The following RNMT variants were observed in gnomAD, a reference collection of about 807,000 sequenced individuals.
The protein encoded by RNMT is mRNA cap guanine-N(7) methyltransferase.
In RNMT, 27 loss-of-function variants were observed where a neutral mutation model predicts 56.0. The observed-to-expected ratio is 0.48, with a 90% CI of 0.36 to 0.67. The LOEUF (loss-of-function observed/expected upper bound fraction) is 0.67. Ranked by LOEUF, RNMT falls within the 30% of genes least tolerant of loss-of-function variation. The pLI, the probability that RNMT is intolerant of heterozygous loss-of-function variation, is 0.00. For synonymous variants in RNMT, 184 were observed against 176.2 expected (o/e 1.04, Z -0.35); for missense variants, 519 against 552.1 (o/e 0.94, Z 0.60).
In RNMT at chr18:13,759,934, T is replaced by G; in HGVS notation, c.1394-8T>G. On this transcript the variant is annotated splice_polypyrimidine_tract_variant and splice_region_variant and intron_variant, in intron 11 of 11. Coordinates refer to ENST00000383314, the MANE Select transcript of RNMT (RefSeq NM_003799.3). ...GAGAAACTGAACTCTTATTTATTTCTTCTTTAGGTATTTACTTGGTGTTTG... is the reference window on the plus strand; with the variant it reads ...GAGAAACTGAACTCTTATTTATTTCGTCTTTAGGTATTTACTTGGTGTTTG... 6.2e-7 allele frequency: 1 copy of G among 1,605,232 alleles called. No individual in the cohort carries two copies. The highest frequency in any genetic ancestry group is 1.1e-5 in the South Asian group (1 of 90,784).
At chr18:13,745,803 AGG>A (rs760757257) in intron 8 of RNMT, among the ~76,000 whole-genome samples, 102 of 152,090 alleles carry the variant, frequency 6.7e-4, no homozygotes, top group Admixed American at 2.2e-3. Flanking sequence ...TTCATGATGT[AGG>A]GGAAAAATTA....
At chr18:13,755,380 T>C (rs2044525767) in intron 11 of RNMT, among the ~76,000 whole-genome samples, 1 of 152,360 alleles carries the variant, frequency 6.6e-6, no homozygotes, top group Non-Finnish European at 1.5e-5. Context: ...TTGTAATAAC[T>C]CACATGTTGT....
At position 13,762,273 on chromosome 18, in the gene RNMT, A is replaced by G; in HGVS notation, c.*2294A>G. 1 of 1,195,316 alleles carries G rather than the reference A, an allele frequency of 8.4e-7. No homozygotes were observed. The highest frequency in any genetic ancestry group is 1.6e-5 in the South Asian group (1 of 63,840). The allele number at this position is 1,195,316 out of a possible 1,614,324, so 74.0% of individuals were successfully genotyped here. A position where few individuals can be genotyped will look rare whatever the true frequency, so the allele number is the denominator to read the frequency against. ...GATTGTGATTTAACCAAGAATGCTG[A>G]TGTTGAATTCTTTGGGCCTAGAATA... is the stretch of plus-strand genomic sequence containing the variant. On this transcript the variant is annotated 3_prime_UTR_variant, in exon 12 of 12. Transcript: ENST00000383314.
chr18:13,741,776 AC>A, intron 7 of RNMT, 85 bp downstream of exon 7: 2 of 853,414 alleles, frequency 2.3e-6, no homozygotes, highest in Non-Finnish European at 3.5e-6. Context: ...TTATTAAAAT[AC>A]GCTATTTTAA....
At chr18:13,754,632 A>G (rs1219369298) in intron 11 of RNMT, among the ~76,000 whole-genome samples, 1 of 152,264 alleles carries the variant, frequency 6.6e-6, no homozygotes, top group Non-Finnish European at 1.5e-5. Flanking sequence ...TAGTGCCAAG[A>G]GAAGATACAC....
intron 3 of RNMT, among the ~76,000 whole-genome samples, chr18:13,732,744 T>C (rs1459596905): frequency 4.9e-5 from 2 of 40,756 alleles, no homozygotes; most frequent in African/African-American, 1.5e-4. Flanking sequence ...AGCCCCCCCT[T>C]TTTTTTTTTT....
chr18:13,758,325 C>A (rs537984441), intron 11 of RNMT, among the ~76,000 whole-genome samples: 1 of 152,286 alleles, frequency 6.6e-6, no homozygotes, highest in African/African-American at 2.4e-5. Flanking sequence ...TAGATGGCAT[C>A]TTCTAATAGA....
chr18:13,757,794 C>T (rs2044568267), intron 11 of RNMT, among the ~76,000 whole-genome samples: 1 of 152,202 alleles, frequency 6.6e-6, no homozygotes, highest in African/African-American at 2.4e-5. Context: ...TCATTTCCAT[C>T]AGGTTTTTTA....
chr18:13,734,635 C>T (rs1602001004), intron 4 of RNMT, 36 bp downstream of exon 4: 1 of 1,512,054 alleles, frequency 6.6e-7, no homozygotes, highest in Admixed American at 2.1e-5. Flanking sequence ...GTCTTTAATT[C>T]CTATTCATTT....
chr18:13,739,053 A>G (rs538779298), intron 5 of RNMT, among the ~76,000 whole-genome samples: 1 of 152,292 alleles, frequency 6.6e-6, no homozygotes, highest in East Asian at 1.9e-4. Context: ...ACTTTAAGTG[A>G]CAGGTTCACT....
At chr18:13,750,341 A>G (rs779909189) in intron 9 of RNMT, among the ~76,000 whole-genome samples, 3 of 152,028 alleles carry the variant, frequency 2.0e-5, no homozygotes, top group Non-Finnish European at 2.9e-5. Context: ...AATTGCCATC[A>G]TTTTAATATT....
At chr18:13,736,268 A>G (rs1479836592) in intron 4 of RNMT, among the ~76,000 whole-genome samples, 2 of 152,230 alleles carry the variant, frequency 1.3e-5, no homozygotes, top group African/African-American at 4.8e-5. Context: ...TGTCCAGCTC[A>G]GTGATAAAGA....
chr18:13,740,233 G>A lies in RNMT; in HGVS notation c.746G>A (p.Ser249Asn), dbSNP rs763674156. The A allele has an allele frequency of 6.2e-7, 1 of 1,611,634 alleles. No individual in the cohort carries two copies. The highest frequency in any genetic ancestry group is 8.5e-7 in the Non-Finnish European group (1 of 1,177,774). ...GAGGACATGAAAAATCGTCGTGATA[G>A]TGAATATATTTTCAGTGCAGAATTT... ...RYEDMKNRRD[S>N]EYIFSAEFIT... is the part of the protein sequence containing the mutation. The change falls in exon 6 of 12, where the codon AGT becomes AAT. Residue 249 changes from serine to asparagine, a missense_variant. Physicochemically the swap from Ser to Asn is conservative, Grantham distance 46. Transcript: ENST00000383314.
Position 13,760,304 on chromosome 18 carries a change from G to T in RNMT, c.*325G>T. On this transcript the variant is annotated 3_prime_UTR_variant, in exon 12 of 12. Transcript: ENST00000383314. ...AACTAAACTCTTTCCACAGTGTTCA[G>T]ATTTGTCCTGTGTGTGTTTACAGTA... The T allele has an allele frequency of 9.4e-7, 1 of 1,062,548 alleles. No homozygotes were observed. Among genetic ancestry groups the T allele is most frequent in the Non-Finnish European group, 1.1e-6 (1 of 878,278 alleles). 65.8% of individuals were successfully genotyped at this position (1,062,548 alleles called of 1,614,324 possible).
intron 8 of RNMT, 79 bp downstream of exon 8, chr18:13,742,731 A>T: frequency 2.8e-6 from 3 of 1,083,238 alleles, no homozygotes; most frequent in South Asian, 3.3e-5. Flanking sequence ...TATTTATTTT[A>T]CTCTTTATTT....
chr18:13,727,744 G>C (rs543560848), intron 1 of RNMT, among the ~76,000 whole-genome samples: 53 of 151,950 alleles, frequency 3.5e-4, no homozygotes, highest in Non-Finnish European at 6.9e-4. Flanking sequence ...TCTTCATCCC[G>C]CTCCTCTTCC....
intron 4 of RNMT, among the ~76,000 whole-genome samples, chr18:13,735,716 A>G (rs571135528): frequency 1.9e-4 from 29 of 152,172 alleles, no homozygotes; most frequent in African/African-American, 6.7e-4. Flanking sequence ...ACATTGTTAC[A>G]TGTATTATTT....
intron 8 of RNMT, among the ~76,000 whole-genome samples, chr18:13,746,019 A>C (rs1222277089): frequency 6.6e-6 from 1 of 152,204 alleles, no homozygotes; most frequent in Non-Finnish European, 1.5e-5. Context: ...GAGCCCTCTG[A>C]AACCCCTGAG....
At chr18:13,744,248 ATTAT>A (rs1409267989) in intron 8 of RNMT, among the ~76,000 whole-genome samples, 1 of 142,508 alleles carries the variant, frequency 7.0e-6, no homozygotes, top group South Asian at 2.2e-4. Context: ...TTTTTAAAAG[ATTAT>A]TTATTGAAAC....
Sources: gnomAD v4.1 joint callset for allele counts (sites outside exome capture counted in the v4.1 genomes callset) on GRCh38, gnomAD v4.1.1 for gene constraint, MANE v1.5 for transcripts, NCBI Gene and HGNC (gene_info 2026-07-23, HGNC 2026-07-21) for gene names.